Variants in PDE4A observed in about 807,000 individuals in gnomAD.
PDE4A encodes phosphodiesterase 4A.
Under a neutral mutation model 73.9 loss-of-function variants are expected in PDE4A, and 21 were observed. The ratio of observed to expected loss-of-function variants is 0.28; its 90% confidence interval spans 0.20 to 0.41. The LOEUF is 0.41. Among genes scored for constraint, PDE4A ranks in the 10% least tolerant of loss-of-function variants. The pLI, the probability that PDE4A is intolerant of heterozygous loss-of-function variation, is 1.00. For missense variants in PDE4A, 958 were observed against 1,211.4 expected, an observed-to-expected ratio of 0.79 and a Z score of 3.10; for synonymous variants, 463 against 505.4, an observed-to-expected ratio of 0.92 and a Z score of 1.13.
Position 10,429,266 on chromosome 19 carries a change from A to AGAAG in PDE4A, c.320+8195_320+8198dup, listed in dbSNP as rs748681551. ...CGGAGGGGAAAGGAAAGGAAAGGAA[A>AGAAG]GAAGGAAGGAAGGAAGAAAGAAAGA... On this transcript the variant is annotated intron_variant, in intron 1 of 14. Coordinates refer to ENST00000380702, the MANE Select transcript of PDE4A (RefSeq NM_001111307.2). Among the ~76,000 whole-genome samples the AGAAG allele has an allele frequency of 1.0e-3, 141 of 139,206 alleles. 3 individuals are homozygous for AGAAG. Among genetic ancestry groups the AGAAG allele is most frequent in the South Asian group, 3.2e-3 (13 of 4,096 alleles). The allele number at this position is 139,206 out of a possible 152,430, so 91.3% of individuals were successfully genotyped here.
chr19:10,449,243 G>A, intron 4 of PDE4A, 93 bp downstream of exon 4: 1 of 1,388,174 alleles, frequency 7.2e-7, no homozygotes, highest in Non-Finnish European at 1.0e-6. Context: ...CTGGCAGGCA[G>A]GTGACCTCTC....
chr19:10,427,886 G>A, intron 1 of PDE4A: 1 of 984,306 alleles, frequency 1.0e-6, no homozygotes, highest in Non-Finnish European at 1.2e-6. Flanking sequence ...AACACACTTT[G>A]GGAGGCTGAG....
At chr19:10,462,024 G>T in intron 13 of PDE4A, 25 bp downstream of exon 13, 1 of 1,598,166 alleles carries the variant, frequency 6.3e-7, no homozygotes, top group Non-Finnish European at 8.5e-7. Flanking sequence ...CATCATCTAA[G>T]GAGGGAGGAC....
At chr19:10,440,345 T>G (rs937350668) in intron 1 of PDE4A, among the ~76,000 whole-genome samples, 2 of 152,136 alleles carry the variant, frequency 1.3e-5, no homozygotes, top group African/African-American at 4.8e-5. Flanking sequence ...TTTTTTCATA[T>G]GTTTATTGGC....
At chr19:10,434,741 G>A (rs1430028749) in intron 1 of PDE4A, among the ~76,000 whole-genome samples, 2 of 151,674 alleles carry the variant, frequency 1.3e-5, no homozygotes, top group South Asian at 2.1e-4. Flanking sequence ...CAAGCGCCCC[G>A]CCACCACGCC....
intron 1 of PDE4A, among the ~76,000 whole-genome samples, chr19:10,422,672 C>T (rs972834433): frequency 1.3e-5 from 2 of 152,158 alleles, no homozygotes; most frequent in Non-Finnish European, 2.9e-5. Context: ...CCACCCCCAC[C>T]TCTGTTCTGA....
intron 14 of PDE4A, 90 bp from the exon 15 acceptor site, chr19:10,466,797 A>G: frequency 2.6e-6 from 4 of 1,523,314 alleles, no homozygotes; most frequent in Non-Finnish European, 3.5e-6. Flanking sequence ...CCCGGCCCAT[A>G]AGCATGTTTT....
In PDE4A at chr19:10,468,366, G is replaced by A. The variant is rs908197094; in HGVS notation, c.*745G>A. ...GGGAGCGTTCACACCGCCAGCCTCGGGCCTGGGATTTGAGGAGGGCCCTAG... is the reference window on the plus strand; with the variant it reads ...GGGAGCGTTCACACCGCCAGCCTCGAGCCTGGGATTTGAGGAGGGCCCTAG... On this transcript the variant is annotated 3_prime_UTR_variant, in exon 15 of 15. Coordinates refer to ENST00000380702, the MANE Select transcript of PDE4A (RefSeq NM_001111307.2). The A allele has an allele frequency of 6.6e-6, 1 of 152,420 alleles. No individual in the cohort carries two copies. Among genetic ancestry groups the A allele is most frequent in the Admixed American group, 6.6e-5 (1 of 15,216 alleles). The allele number at this position is 152,420 out of a possible 1,614,324, so 9.4% of individuals were successfully genotyped here.
At chr19:10,437,975 T>C (rs1180279505) in intron 1 of PDE4A, among the ~76,000 whole-genome samples, 1 of 151,742 alleles carries the variant, frequency 6.6e-6, no homozygotes, top group East Asian at 1.9e-4. Context: ...GCCTTGCTAA[T>C]TTTTTTCATT....
upstream of PDE4A, chr19:10,417,692 C>A: frequency 6.3e-7 from 1 of 1,595,790 alleles, no homozygotes; most frequent in Non-Finnish European, 8.5e-7. Flanking sequence ...CCGACCGTGC[C>A]AACATGCTGG....
At chr19:10,418,886 T>G (rs1470124494), upstream of PDE4A, 1 of 984,098 alleles carries the variant, frequency 1.0e-6, no homozygotes, top group Non-Finnish European at 1.2e-6. Flanking sequence ...GAAGCCGTTT[T>G]GAGTGTGTAA....
chr19:10,451,357 G>GGTGT (rs987351883), intron 6 of PDE4A, among the ~76,000 whole-genome samples: 1 of 152,034 alleles, frequency 6.6e-6, no homozygotes, highest in Non-Finnish European at 1.5e-5. Context: ...TGTGGGGTGG[G>GGTGT]GTGTGTCTGT....
At chr19:10,426,241 C>G (rs1470526248) in intron 1 of PDE4A, among the ~76,000 whole-genome samples, 2 of 152,116 alleles carry the variant, frequency 1.3e-5, no homozygotes, top group African/African-American at 4.8e-5. Flanking sequence ...CTGTCAGAGC[C>G]TCAGTCTCCT....
intron 11 of PDE4A, 157 bp from the exon 12 acceptor site, chr19:10,461,369 G>A (rs1460476289): frequency 1.0e-6 from 1 of 965,616 alleles, no homozygotes; most frequent in Non-Finnish European, 1.2e-6. Context: ...GGCTGGCTGG[G>A]CTGGAAAGGG....
chr19:10,428,729 C>T (rs2042749486), intron 1 of PDE4A: 2 of 971,586 alleles, frequency 2.1e-6, no homozygotes, highest in South Asian at 4.8e-5. Flanking sequence ...GATCAAATGG[C>T]TAAGAAGTGC....
chr19:10,427,072 C>T (rs553725534), intron 1 of PDE4A, among the ~76,000 whole-genome samples: 1 of 151,964 alleles, frequency 6.6e-6, no homozygotes, highest in Non-Finnish European at 1.5e-5. Context: ...GAGGCCGAGG[C>T]AGGTGGATCA....
rs201135525 is a variant in PDE4A, at chr19:10,453,358, G to T, written c.784-1471G>T. 1.2e-6 allele frequency: 2 copies of T among 1,601,438 alleles called. No homozygotes were observed. Among genetic ancestry groups the T allele is most frequent in the Non-Finnish European group, 8.5e-7 (1 of 1,175,524 alleles). On this transcript the variant is annotated intron_variant, in intron 6 of 14. Transcript: ENST00000380702. This position sits in a 1 kb window ranked among gnomAD's most constrained non-coding sequence, Gnocchi z 4.6. The stretch of plus-strand genomic sequence containing the variant: ...GGAGAGTGCAGGGTAGGGGGTGGGC[G>T]GGCATCCTGGTGAGCTGGGCCCCCG...
chr19:10,426,484 G>C (rs1018550729), intron 1 of PDE4A, among the ~76,000 whole-genome samples: 1 of 151,994 alleles, frequency 6.6e-6, no homozygotes, highest in Non-Finnish European at 1.5e-5. Context: ...TCGCCTTTCA[G>C]TGTGGCCCAG....
intron 1 of PDE4A, among the ~76,000 whole-genome samples, chr19:10,429,740 G>T (rs1342173179): frequency 6.6e-6 from 1 of 152,128 alleles, no homozygotes; most frequent in Non-Finnish European, 1.5e-5. Flanking sequence ...TTCTGTTCTA[G>T]GGTGTGAGAC....
Sources: gnomAD v4.1 joint callset for allele counts (sites outside exome capture counted in the v4.1 genomes callset) on GRCh38, gnomAD v4.1.1 for gene constraint, Gnocchi (gnomAD v3.1) non-coding constraint, MANE v1.5 for transcripts, NCBI Gene and HGNC (gene_info 2026-07-23, HGNC 2026-07-21) for gene names.